The following MAP3K2 variants were observed in gnomAD, a reference collection of about 807,000 sequenced individuals.
MAP3K2 encodes the protein MAP/ERK kinase kinase 2.
A neutral mutation model predicts 80.3 loss-of-function variants in MAP3K2; 24 were observed. That is an observed-to-expected ratio of 0.30 (90% CI 0.22 to 0.42). MAP3K2 has a LOEUF of 0.42. Ranked by LOEUF, MAP3K2 falls within the 10% of genes least tolerant of loss-of-function variation. The pLI is 1.00. For missense variants in MAP3K2, 608 were observed against 750.1 expected (o/e 0.81, Z 2.21); for synonymous variants, 244 against 253.7 (o/e 0.96, Z 0.36).
At chr2:127,345,000 G>T (rs531360185) in intron 1 of MAP3K2, among the ~76,000 whole-genome samples, 16 of 152,048 alleles carry the variant, frequency 1.1e-4, no homozygotes, top group African/African-American at 3.6e-4. Context: ...GAGTAGATGG[G>T]ACTACAGGTG....
intron 1 of MAP3K2, among the ~76,000 whole-genome samples, chr2:127,350,347 A>C (rs1686668885): frequency 6.6e-6 from 1 of 151,730 alleles, no homozygotes; most frequent in South Asian, 2.1e-4. Context: ...AATAGCTATA[A>C]TCTCAGCTAC....
chr2:127,343,216 G>T (rs2104849874), intron 1 of MAP3K2, 22 bp from the exon 2 acceptor site: 2 of 924,080 alleles, frequency 2.2e-6, no homozygotes, highest in Non-Finnish European at 3.2e-6. Context: ...AAACAGATCA[G>T]CATATTAATA....
chr2:127,372,676 C>A (rs1392869283), intron 1 of MAP3K2, among the ~76,000 whole-genome samples: 1 of 152,116 alleles, frequency 6.6e-6, no homozygotes, highest in Non-Finnish European at 1.5e-5. Flanking sequence ...ACTCTGCAGA[C>A]CTCTTTCTAA....
At chr2:127,353,569 G>C (rs1228665496) in intron 1 of MAP3K2, among the ~76,000 whole-genome samples, 1 of 418 alleles carries the variant, frequency 2.4e-3, no homozygotes, top group Non-Finnish European at 5.4e-3. Flanking sequence ...GAGGGAGGTG[G>C]GGGGGGTCAG....
At chr2:127,326,883 G>C (rs1348814129) in intron 7 of MAP3K2, 66 bp from the exon 8 acceptor site, 2 of 1,007,542 alleles carry the variant, frequency 2.0e-6, no homozygotes, top group African/African-American at 1.6e-5. Context: ...TTTTAAATAG[G>C]CTATATTTCT....
chr2:127,363,212 G>A (rs1686919490), intron 1 of MAP3K2, among the ~76,000 whole-genome samples: 1 of 152,074 alleles, frequency 6.6e-6, no homozygotes, highest in Non-Finnish European at 1.5e-5. Context: ...AGATACCAAG[G>A]GATGACTGTG....
intron 7 of MAP3K2, among the ~76,000 whole-genome samples, chr2:127,328,817 CCTCT>C (rs1686195170): frequency 6.6e-6 from 1 of 152,124 alleles, no homozygotes; most frequent in South Asian, 2.1e-4. Context: ...TATCAACAAT[CCTCT>C]TCTGTTACCA....
At position 127,339,416 on chromosome 2, in the gene MAP3K2, A is replaced by G. The variant is rs1401313682; in HGVS notation, c.5-366T>C. The stretch of plus-strand genomic sequence containing the variant: ...TTAAAAAGTAGGGAAAAAAAAATAA[A>G]CAACTTTGTATAAATCTCATTACTT... On this transcript the variant is annotated intron_variant, in intron 2 of 16. Coordinates refer to ENST00000682094, the MANE Select transcript of MAP3K2 (RefSeq NM_001371910.2). The surrounding 1 kb of genome is among the most constrained non-coding windows in gnomAD (Gnocchi z 4.2). Among the ~76,000 whole-genome samples the G allele has an allele frequency of 6.6e-6, 1 of 152,228 alleles. No individual in the cohort carries two copies. The highest frequency in any genetic ancestry group is 1.5e-5 in the Non-Finnish European group (1 of 68,044).
chr2:127,373,919 T>C (rs1160432368), intron 1 of MAP3K2, among the ~76,000 whole-genome samples: 1 of 152,230 alleles, frequency 6.6e-6, no homozygotes, highest in African/African-American at 2.4e-5. Context: ...CACTCTCTGA[T>C]TACACAGGCC....
intron 1 of MAP3K2, among the ~76,000 whole-genome samples, chr2:127,370,179 C>T (rs1373628082): frequency 6.6e-6 from 1 of 152,222 alleles, no homozygotes; most frequent in African/African-American, 2.4e-5. Context: ...AGACCTTTGT[C>T]ATTAAATCTA....
intron 7 of MAP3K2, 56 bp downstream of exon 7, chr2:127,329,865 G>A: frequency 1.0e-6 from 1 of 968,590 alleles, no homozygotes; most frequent in South Asian, 1.3e-5. Flanking sequence ...TACATTAAAG[G>A]ATGGAGAAGA....
intron 1 of MAP3K2, among the ~76,000 whole-genome samples, chr2:127,380,146 C>A (rs1687220961): frequency 6.6e-6 from 1 of 152,140 alleles, no homozygotes; most frequent in South Asian, 2.1e-4. Context: ...AAAAGGAGAT[C>A]CCTGCTGTCT....
intron 4 of MAP3K2, among the ~76,000 whole-genome samples, chr2:127,336,809 A>C (rs1209402945): frequency 6.6e-6 from 1 of 152,240 alleles, no homozygotes; most frequent in Non-Finnish European, 1.5e-5. Context: ...TAGGCTTTTC[A>C]CTACATTAAT....
intron 1 of MAP3K2, among the ~76,000 whole-genome samples, chr2:127,348,423 A>T (rs902958946): frequency 2.0e-5 from 3 of 152,164 alleles, no homozygotes; most frequent in Non-Finnish European, 4.4e-5. Context: ...AAATTCAGTC[A>T]TTAAAAAGAA....
At position 127,335,981 on chromosome 2, in the gene MAP3K2, C is replaced by T. The variant is rs967309320; in HGVS notation, c.165-12G>A. 1.2e-5 allele frequency: 17 copies of T among 1,441,628 alleles called. No individual in the cohort carries two copies. The highest frequency in any genetic ancestry group is 4.9e-5 in the East Asian group (2 of 40,966). 89.3% of individuals were successfully genotyped at this position (1,441,628 alleles called of 1,614,324 possible). A position where few individuals can be genotyped will look rare whatever the true frequency, so the allele number is the denominator to read the frequency against. On this transcript the variant is annotated splice_polypyrimidine_tract_variant and intron_variant, in intron 4 of 16. Transcript: ENST00000682094. ...GGAACTGAAGGATTCTATATAAACA[C>T]AATTTTAAGATTTTATTTTCTTAGG...
At chr2:127,376,429 C>T (rs1015672724) in intron 1 of MAP3K2, among the ~76,000 whole-genome samples, 5 of 152,120 alleles carry the variant, frequency 3.3e-5, no homozygotes, top group Non-Finnish European at 2.9e-5. Flanking sequence ...TTGTCAGGGC[C>T]GCAGCTGCTG....
chr2:127,316,087 T>C (rs1227357797), intron 14 of MAP3K2, among the ~76,000 whole-genome samples: 2 of 150,676 alleles, frequency 1.3e-5, no homozygotes, highest in South Asian at 2.1e-4. Flanking sequence ...AAAATAAAAA[T>C]TGTAGCCAGG....
rs543549364 is a variant in MAP3K2, at chr2:127,303,545, T to G, written c.*4034A>C. 3.3e-5 allele frequency: 5 copies of G among 152,248 alleles called. No homozygotes were observed. Among genetic ancestry groups the G allele is most frequent in the African/African-American group, 1.2e-4 (5 of 41,546 alleles). 9.4% of individuals were successfully genotyped at this position (152,248 alleles called of 1,614,324 possible). A position where few individuals can be genotyped will look rare whatever the true frequency, so the allele number is the denominator to read the frequency against. On this transcript the variant is annotated 3_prime_UTR_variant, in exon 17 of 17. Transcript: ENST00000682094. ...TATAACAGCCAATGATTACCTAAAATTGCTTTTCCCTTAATAAAAAATAAC... is the reference window on the plus strand; with the variant it reads ...TATAACAGCCAATGATTACCTAAAAGTGCTTTTCCCTTAATAAAAAATAAC...
intron 4 of MAP3K2, 49 bp downstream of exon 4, chr2:127,337,689 A>G: frequency 9.3e-7 from 1 of 1,070,004 alleles, no homozygotes; most frequent in Admixed American, 2.5e-5. Context: ...TAATTAGAAT[A>G]CACATTTGAT....
Sources: allele counts gnomAD v4.1 joint callset (sites outside exome capture counted in the v4.1 genomes callset), GRCh38; gene constraint gnomAD v4.1.1; non-coding constraint Gnocchi (gnomAD v3.1); transcripts MANE v1.5; gene names NCBI Gene and HGNC (gene_info 2026-07-23, HGNC 2026-07-21).